C1orf94: variants seen among roughly 807,000 people sequenced by gnomAD.
The protein encoded by C1orf94 is uncharacterized protein C1orf94.
A neutral mutation model predicts 53.6 loss-of-function variants in C1orf94; 45 were observed. That is an observed-to-expected ratio of 0.84 (90% CI 0.66 to 1.08). The LOEUF is 1.08. Among genes scored for constraint, C1orf94 ranks in the 50% least tolerant of loss-of-function variants. The pLI, the probability that C1orf94 is intolerant of heterozygous loss-of-function variation, is 0.00. For synonymous variants in C1orf94, 304 were observed against 296.1 expected, an observed-to-expected ratio of 1.03 and a Z score of -0.27; for missense variants, 762 against 738.9, an observed-to-expected ratio of 1.03 and a Z score of -0.36.
At chr1:34,199,381 A>T (rs1642657344) in intron 2 of C1orf94, among the ~76,000 whole-genome samples, 4 of 152,094 alleles carry the variant, frequency 2.6e-5, no homozygotes, top group Admixed American at 2.6e-4. Flanking sequence ...AACCGGAGGA[A>T]CTCCTGGAAA....
chr1:34,212,713 G>A (rs1318985554), intron 6 of C1orf94, among the ~76,000 whole-genome samples: 1 of 152,174 alleles, frequency 6.6e-6, no homozygotes, highest in Non-Finnish European at 1.5e-5. Context: ...GTGCAACGAT[G>A]CATTTGCCTT....
intron 6 of C1orf94, among the ~76,000 whole-genome samples, chr1:34,217,150 A>T (rs998138024): frequency 1.3e-5 from 2 of 152,156 alleles, no homozygotes; most frequent in Admixed American, 6.5e-5. Context: ...AAACCAGGAC[A>T]TATGTTCGTC....
chr1:34,181,243 C>G (rs1483742501), intron 1 of C1orf94, among the ~76,000 whole-genome samples: 1 of 152,142 alleles, frequency 6.6e-6, no homozygotes, highest in Non-Finnish European at 1.5e-5. Context: ...ATAAGCTAAC[C>G]ACCTCTGGTT....
rs377717092 is a variant in C1orf94, at chr1:34,197,591, A to G, written c.687A>G (p.Leu229=). The G allele has an allele frequency of 5.5e-5, 89 of 1,614,150 alleles. No individual in the cohort carries two copies. The Middle Eastern group carries it at 9.9e-4, about 18-fold the overall frequency. ...GGACAGAGGACAGGGGCCGCATCCT[A>G]GGTGACTCCAACTTGCAAGTCAGCA... The part of the protein sequence containing the change: ...SKGTEDRGRI[L]GDSNLQVSKL... Residue 229 remains leucine, a synonymous_variant, in exon 2 of 7, where the codon CTA becomes CTG. Transcript: ENST00000488417. This position sits in a 1 kb window ranked among gnomAD's most constrained non-coding sequence, Gnocchi z 4.1.
chr1:34,205,146 G>A (rs539030116), intron 4 of C1orf94, among the ~76,000 whole-genome samples: 5 of 152,230 alleles, frequency 3.3e-5, no homozygotes, highest in South Asian at 2.1e-4. Flanking sequence ...TGAGCATGAC[G>A]GTCCTCTGTC....
intron 3 of C1orf94, among the ~76,000 whole-genome samples, chr1:34,201,604 T>C (rs1189376096): frequency 6.6e-6 from 1 of 152,212 alleles, no homozygotes; most frequent in Non-Finnish European, 1.5e-5. Flanking sequence ...TTTTTAAAAT[T>C]CCCATATAGA....
chr1:34,194,131 G>A (rs1036133034), intron 1 of C1orf94, among the ~76,000 whole-genome samples: 1 of 152,192 alleles, frequency 6.6e-6, no homozygotes, highest in Admixed American at 6.5e-5. Flanking sequence ...TGCCTGTGAG[G>A]AAAAGTTGTG....
intron 6 of C1orf94, among the ~76,000 whole-genome samples, chr1:34,217,832 A>G (rs1557492868): frequency 6.6e-6 from 1 of 152,230 alleles, no homozygotes; most frequent in East Asian, 1.9e-4. Context: ...CTGAAAAGTG[A>G]TTGAGAATCC....
chr1:34,201,968 C>A (rs1642714295), intron 3 of C1orf94, 116 bp from the exon 4 acceptor site: 3 of 1,006,514 alleles, frequency 3.0e-6, no homozygotes, highest in Non-Finnish European at 4.4e-6. Context: ...CCTCTTGGAG[C>A]TTAAAGGACC....
intron 4 of C1orf94, 42 bp from the exon 5 acceptor site, chr1:34,208,115 A>C: frequency 6.3e-7 from 1 of 1,598,676 alleles, no homozygotes; most frequent in Non-Finnish European, 8.6e-7. Flanking sequence ...TTCTGGCAGG[A>C]AACCCCTTGC....
At chr1:34,215,492 G>A (rs755995696) in intron 6 of C1orf94, among the ~76,000 whole-genome samples, 4 of 152,120 alleles carry the variant, frequency 2.6e-5, no homozygotes, top group Non-Finnish European at 5.9e-5. Flanking sequence ...AGGCAGGGGA[G>A]TAGGCTAGAG....
At chr1:34,192,220 C>T (rs1642506193) in intron 1 of C1orf94, among the ~76,000 whole-genome samples, 1 of 152,142 alleles carries the variant, frequency 6.6e-6, no homozygotes, top group Admixed American at 6.5e-5. Context: ...ACCGTGAACC[C>T]AGCAAAGTGG....
chr1:34,202,293 C>T (rs759155858), intron 4 of C1orf94, 34 bp downstream of exon 4: 3 of 1,603,054 alleles, frequency 1.9e-6, no homozygotes, highest in Non-Finnish European at 2.6e-6. Flanking sequence ...CTGTGGACAT[C>T]CACGGGGGTT....
intron 5 of C1orf94, among the ~76,000 whole-genome samples, chr1:34,208,732 C>T (rs1389608585): frequency 6.6e-6 from 1 of 152,130 alleles, no homozygotes; most frequent in Non-Finnish European, 1.5e-5. Flanking sequence ...CCATGTGCCT[C>T]TCCTGGGCCT....
rs1260064588 is a variant in C1orf94 at position 34,199,461 on chromosome 1, C to G, written c.1010-1311C>G. 8.5e-5 allele frequency among the ~76,000 whole-genome samples: 13 copies of G among 152,330 alleles called. No homozygotes were observed. In the South Asian group the frequency reaches 2.5e-3, roughly 29 times the overall value. The stretch of plus-strand genomic sequence containing the variant: ...TGGCTCAGGCTAGAGCAGCTCTTTC[C>G]TTTGCTGGAATAGTGCTAGGAAGAC... On this transcript the variant is annotated intron_variant, in intron 2 of 6. Coordinates refer to ENST00000488417, the MANE Select transcript of C1orf94 (RefSeq NM_001134734.2).
chr1:34,173,716 G>A (rs986016592), upstream of C1orf94, among the ~76,000 whole-genome samples: 1 of 152,202 alleles, frequency 6.6e-6, no homozygotes, highest in African/African-American at 2.4e-5. Context: ...ATGAGCAAAT[G>A]GAGACATTGA....
At chr1:34,212,147 G>T in intron 5 of C1orf94, 63 bp from the exon 6 acceptor site, 1 of 1,465,550 alleles carries the variant, frequency 6.8e-7, no homozygotes. Flanking sequence ...GGGGGTGGGT[G>T]GCTGGGGTTA....
chr1:34,214,534 C>T (rs540219518), intron 6 of C1orf94, among the ~76,000 whole-genome samples: 4 of 152,192 alleles, frequency 2.6e-5, no homozygotes, highest in Non-Finnish European at 5.9e-5. Context: ...GACAAGCCCC[C>T]TGCAGGTTGG....
intron 4 of C1orf94, among the ~76,000 whole-genome samples, chr1:34,207,042 C>T (rs959562669): frequency 6.6e-6 from 1 of 152,132 alleles, no homozygotes; most frequent in Non-Finnish European, 1.5e-5. Context: ...TGAGGGAACC[C>T]TCAAGGGTGT....
Sources: gnomAD v4.1 joint callset for allele counts (sites outside exome capture counted in the v4.1 genomes callset) on GRCh38, gnomAD v4.1.1 for gene constraint, Gnocchi (gnomAD v3.1) non-coding constraint, MANE v1.5 for transcripts, NCBI Gene and HGNC (gene_info 2026-07-23, HGNC 2026-07-21) for gene names.